The following LRP4 variants were observed in gnomAD, a reference collection of about 807,000 sequenced individuals.
The protein encoded by LRP4 is low-density lipoprotein receptor-related protein 4.
In LRP4, 95 loss-of-function variants were observed where a neutral mutation model predicts 220.3. That is an observed-to-expected ratio of 0.43 (90% CI 0.37 to 0.51). LRP4 has a LOEUF of 0.51. Ranked by LOEUF, LRP4 falls within the 20% of genes least tolerant of loss-of-function variation. The probability of loss-of-function intolerance (pLI) is 0.00; values close to 1 mark genes in which losing one functional copy is unlikely to be tolerated. For missense variants in LRP4, 1,925 were observed against 2,567.0 expected (o/e 0.75, Z 5.40); for synonymous variants, 903 against 954.6 (o/e 0.95, Z 1.00).
At chr11:46,910,901 C>T (rs1941848624) in intron 1 of LRP4, among the ~76,000 whole-genome samples, 1 of 152,074 alleles carries the variant, frequency 6.6e-6, no homozygotes, top group Non-Finnish European at 1.5e-5. Context: ...GTCTCAAACT[C>T]CTGGCCTCAA....
At chr11:46,906,885 G>A (rs192812784) in intron 1 of LRP4, among the ~76,000 whole-genome samples, 8 of 152,268 alleles carry the variant, frequency 5.3e-5, no homozygotes, top group East Asian at 1.9e-4. Flanking sequence ...ACATCTCAGC[G>A]TCCGCTGCAG....
chr11:46,862,770 A>G (rs544351467), intron 36 of LRP4, 23 bp from the exon 37 acceptor site: 1 of 1,612,444 alleles, frequency 6.2e-7, no homozygotes, highest in Admixed American at 1.7e-5. Context: ...AGGTGATGAG[A>G]AATTAGTCGA....
At chr11:46,905,852 C>CA (rs35421139) in intron 1 of LRP4, among the ~76,000 whole-genome samples, 11,852 of 93,004 alleles carry the variant, frequency 0.13, 531 homozygotes, top group Non-Finnish European at 0.14. Flanking sequence ...AACTCCGTCT[C>CA]AAAAAAAAAA....
At chr11:46,866,689 C>T (rs571193370) in intron 34 of LRP4, among the ~76,000 whole-genome samples, 41 of 152,202 alleles carry the variant, frequency 2.7e-4, no homozygotes, top group African/African-American at 9.4e-4. Flanking sequence ...GATGCCTAGG[C>T]GGGTGGATCA....
chr11:46,889,575 C>T (rs777688017), intron 15 of LRP4, 42 bp from the exon 16 acceptor site: 1 of 1,609,788 alleles, frequency 6.2e-7, no homozygotes, highest in Non-Finnish European at 8.5e-7. Flanking sequence ...CGAAGGTCTG[C>T]AAAAGTGACC....
chr11:46,911,844 T>C (rs1486355452), intron 1 of LRP4, among the ~76,000 whole-genome samples: 15 of 145,374 alleles, frequency 1.0e-4, no homozygotes, highest in African/African-American at 3.0e-4. Flanking sequence ...GAATCTTCTT[T>C]TTTTTTTTTT....
At chr11:46,861,684 A>C (rs4448646) in intron 37 of LRP4, among the ~76,000 whole-genome samples, 151,220 of 152,054 alleles carry the variant, frequency 0.99, 75,200 homozygotes, top group Middle Eastern at 1. Context: ...AGCCACCACA[A>C]CCAGCTCATT....
chr11:46,886,661 ATACTT>A, intron 16 of LRP4, 128 bp from the exon 17 acceptor site: 1 of 768,990 alleles, frequency 1.3e-6, no homozygotes, highest in South Asian at 1.5e-5. Context: ...TTTGCCCCCT[ATACTT>A]TATACCTCAG....
chr11:46,862,533 T>C, intron 37 of LRP4, 73 bp downstream of exon 37: 2 of 1,457,896 alleles, frequency 1.4e-6, no homozygotes, highest in South Asian at 1.1e-5. Context: ...TACTGACTTA[T>C]TTGGGCATTT....
chr11:46,898,177 A>G (rs6485705), intron 7 of LRP4, among the ~76,000 whole-genome samples: 147,405 of 150,784 alleles, frequency 0.98, 72,057 homozygotes, highest in East Asian at 0.99. Context: ...AGGGGCGGCC[A>G]GGCAGAGGCG....
rs746049711 is a variant in LRP4, at chr11:46,871,633, C to T, written c.4584G>A (p.Arg1528=). The part of the protein sequence containing the change: ...NGLTLDYDTR[R]IYWVDAHLDR... ...CCAGATGCGCATCCACCCAGTAGAT[C>T]CTGCGAAGAAAATGAAAAGAGTGGC... The change falls in exon 31 of 38, where the codon AGG becomes AGA. Residue 1528 remains arginine, a splice_region_variant and synonymous_variant. Transcript: ENST00000378623. 4.4e-6 allele frequency: 7 copies of T among 1,603,598 alleles called. No individual in the cohort carries two copies. The highest frequency in any genetic ancestry group is 1.6e-4 in the Middle Eastern group (1 of 6,072).
chr11:46,904,823 A>G (rs1377634049), intron 1 of LRP4, among the ~76,000 whole-genome samples: 2 of 151,880 alleles, frequency 1.3e-5, no homozygotes, highest in African/African-American at 4.8e-5. Flanking sequence ...GAAATTTACA[A>G]AAGTTAGCCA....
chr11:46,906,683 T>C (rs867098084), intron 1 of LRP4, among the ~76,000 whole-genome samples: 78 of 152,180 alleles, frequency 5.1e-4, no homozygotes, highest in African/African-American at 1.8e-3. Context: ...TGCGTGCAAA[T>C]GAAAAGTCAT....
intron 16 of LRP4, 93 bp from the exon 17 acceptor site, chr11:46,886,626 T>G: frequency 9.3e-7 from 1 of 1,070,176 alleles, no homozygotes; most frequent in South Asian, 1.3e-5. Context: ...TCTGGTTCAA[T>G]CACACTTCCT....
intron 7 of LRP4, among the ~76,000 whole-genome samples, chr11:46,897,334 C>CTTTTTTTTTTTTTTTTTTTTTTTTTTT (rs60604776): frequency 7.8e-6 from 1 of 128,084 alleles, no homozygotes. Context: ...GCCTGTTTGT[C>CTTTTTTTTTTTTTTTTTTTTTTTTTTT]TTTTTTTTTT....
intron 36 of LRP4, among the ~76,000 whole-genome samples, chr11:46,864,026 G>A (rs1940629069): frequency 6.6e-6 from 1 of 152,208 alleles, no homozygotes; most frequent in African/African-American, 2.4e-5. Context: ...TTGCTACTGA[G>A]CAAAGATGTA....
intron 1 of LRP4, among the ~76,000 whole-genome samples, chr11:46,916,766 G>C (rs1941952170): frequency 6.6e-6 from 1 of 152,056 alleles, no homozygotes; most frequent in Admixed American, 6.5e-5. Flanking sequence ...CCTCCAGGGG[G>C]CTGAGAGGAA....
At chr11:46,865,029 A>G (rs777475911) in intron 35 of LRP4, 90 bp downstream of exon 35, 89 of 1,104,868 alleles carry the variant, frequency 8.1e-5, no homozygotes, top group Admixed American at 1.4e-4. Context: ...CATCAACCCC[A>G]GAGTCCCAAT....
In LRP4 at chr11:46,875,195, G is replaced by T; in HGVS notation, c.3926-92C>A. On this transcript the variant is annotated intron_variant, in intron 27 of 37. Transcript: ENST00000378623. This position sits in a 1 kb window ranked among gnomAD's most constrained non-coding sequence, Gnocchi z 4.5. ...AGTTGTTTGTGGCTGGCTCTTTGCT[G>T]TTCTAAGTGACAGGATTCAGTGCCT... 7.4e-7 allele frequency: 1 copy of T among 1,342,940 alleles called. No individual in the cohort carries two copies. Among genetic ancestry groups the T allele is most frequent in the Non-Finnish European group, 1.0e-6 (1 of 964,954 alleles). 83.2% of individuals were successfully genotyped at this position (1,342,940 alleles called of 1,614,324 possible).
Sources: gnomAD v4.1 joint callset for allele counts (sites outside exome capture counted in the v4.1 genomes callset) on GRCh38, gnomAD v4.1.1 for gene constraint, Gnocchi (gnomAD v3.1) non-coding constraint, MANE v1.5 for transcripts, NCBI Gene and HGNC (gene_info 2026-07-23, HGNC 2026-07-21) for gene names.